Variants in UNC79 observed in about 807,000 individuals in gnomAD.
UNC79 encodes the protein protein unc-79 homolog.
In UNC79, 37 loss-of-function variants were observed where a neutral mutation model predicts 283.1. That is an observed-to-expected ratio of 0.13 (90% CI 0.10 to 0.17). The LOEUF (loss-of-function observed/expected upper bound fraction) is 0.17. Among genes scored for constraint, UNC79 ranks in the 10% least tolerant of loss-of-function variants. The probability of loss-of-function intolerance (pLI) is 1.00; values close to 1 mark genes in which losing one functional copy is unlikely to be tolerated. For missense variants in UNC79, 2,272 were observed against 3,211.1 expected, an observed-to-expected ratio of 0.71 and a Z score of 7.07; for synonymous variants, 1,107 against 1,200.2, an observed-to-expected ratio of 0.92 and a Z score of 1.61.
chr14:93,497,064 A>G (rs112769404), intron 6 of UNC79, 93 bp from the exon 7 acceptor site: 15,246 of 1,437,374 alleles, frequency 0.011, 191 homozygotes, highest in African/African-American at 0.042. Flanking sequence ...CAATCCCTCC[A>G]TTAGAATTTT....
chr14:93,347,575 G>A (rs1167775538), intron 1 of UNC79, among the ~76,000 whole-genome samples: 1 of 152,246 alleles, frequency 6.6e-6, no homozygotes, highest in East Asian at 1.9e-4. Flanking sequence ...TCCTGGGAGA[G>A]GGTCGCGGTG....
intron 11 of UNC79, among the ~76,000 whole-genome samples, chr14:93,533,446 C>T (rs1207461278): frequency 6.6e-6 from 1 of 152,196 alleles, no homozygotes; most frequent in Non-Finnish European, 1.5e-5. Context: ...ACTCTAGGCT[C>T]ACTCATGTAT....
chr14:93,399,381 G>A (rs1017974325), intron 1 of UNC79, among the ~76,000 whole-genome samples: 1 of 152,100 alleles, frequency 6.6e-6, no homozygotes, highest in Non-Finnish European at 1.5e-5. Context: ...TAGGAATTCC[G>A]CCGAGCACAA....
At position 93,390,519 on chromosome 14, in the gene UNC79, A is replaced by G. The variant is rs145665248; in HGVS notation, c.-351+56996A>G. ...AATACAAATTGGAAATGAGTAAATAAACTGTCACTATTTGCTGGTAACTTG... is the reference window on the plus strand; with the variant it reads ...AATACAAATTGGAAATGAGTAAATAGACTGTCACTATTTGCTGGTAACTTG... On this transcript the variant is annotated intron_variant, in intron 1 of 49. Transcript: ENST00000256339. Among the ~76,000 whole-genome samples, 9 of 152,328 alleles carry G rather than the reference A, an allele frequency of 5.9e-5. No individual in the cohort carries two copies. In the East Asian group the frequency reaches 1.7e-3, roughly 29 times the overall value.
At chr14:93,608,440 T>C (rs369446656) in intron 26 of UNC79, among the ~76,000 whole-genome samples, 1 of 152,114 alleles carries the variant, frequency 6.6e-6, no homozygotes, top group East Asian at 1.9e-4. Context: ...AAACACATGA[T>C]AATAGGATGT....
At chr14:93,401,608 C>T (rs2055109114) in intron 1 of UNC79, among the ~76,000 whole-genome samples, 1 of 152,174 alleles carries the variant, frequency 6.6e-6, no homozygotes, top group Non-Finnish European at 1.5e-5. Flanking sequence ...AGCCCCACTC[C>T]ACCTCAAGAA....
At chr14:93,401,162 T>A (rs900493183) in intron 1 of UNC79, among the ~76,000 whole-genome samples, 6 of 152,186 alleles carry the variant, frequency 3.9e-5, no homozygotes, top group Non-Finnish European at 8.8e-5. Flanking sequence ...AAAATTTTTT[T>A]AAAAAGTTGA....
chr14:93,382,361 C>T (rs1284352630), intron 1 of UNC79, among the ~76,000 whole-genome samples: 4 of 152,100 alleles, frequency 2.6e-5, no homozygotes, highest in African/African-American at 9.7e-5. Flanking sequence ...CTTGCCTTCC[C>T]ACTCCCCAAA....
At chr14:93,653,548 A>G (rs2070553298) in intron 35 of UNC79, among the ~76,000 whole-genome samples, 194 bp from the exon 39 acceptor site, 1 of 152,094 alleles carries the variant, frequency 6.6e-6, no homozygotes, top group Non-Finnish European at 1.5e-5. Context: ...CTGGCATTTC[A>G]TGGTTCTCTC....
intron 14 of UNC79, among the ~76,000 whole-genome samples, chr14:93,545,154 G>T (rs1189403387): frequency 6.6e-6 from 1 of 152,192 alleles, no homozygotes; most frequent in Non-Finnish European, 1.5e-5. Context: ...TATCTCAAAG[G>T]TGATGAACAG....
At chr14:93,422,440 G>T (rs778353057) in intron 1 of UNC79, among the ~76,000 whole-genome samples, 1 of 152,190 alleles carries the variant, frequency 6.6e-6, no homozygotes, top group Non-Finnish European at 1.5e-5. Context: ...CTTAAGGTCT[G>T]TGTTGATGTG....
At chr14:93,590,614 T>A (rs995791205) in intron 22 of UNC79, among the ~76,000 whole-genome samples, 3 of 152,020 alleles carry the variant, frequency 2.0e-5, no homozygotes, top group African/African-American at 4.8e-5. Context: ...GCCTTTAGGG[T>A]CCATAGCCCA....
In UNC79 at chr14:93,532,594, T is replaced by G. The variant is rs758380864; in HGVS notation, c.1122+16T>G. On this transcript the variant is annotated intron_variant, in intron 11 of 48. Transcript: ENST00000555664. ...TCAGAAAAAGGTAAGAGCAAACCAT[T>G]TGTGTCGTTGGGGCATGATTTATTG... 1 of 1,610,202 alleles carries G rather than the reference T, an allele frequency of 6.2e-7. No individual in the cohort carries two copies.
chr14:93,622,303 G>A (rs1566798135), exon 30 of UNC79: 1 of 1,614,108 alleles, frequency 6.2e-7, no homozygotes. Flanking sequence ...TAAGTGTGGA[G>A]GATTGTTCCA....
At chr14:93,380,967 TTATTGAGTGCTTTAGA>T (rs1203177725) in intron 1 of UNC79, among the ~76,000 whole-genome samples, 2 of 151,642 alleles carry the variant, frequency 1.3e-5, no homozygotes, top group Non-Finnish European at 2.9e-5. Context: ...TAGTAAGTAT[TTATTGAGTGCTTTAGA>T]TAGTCAGTGA....
At chr14:93,569,671 T>TG (rs2063106500) in intron 14 of UNC79, among the ~76,000 whole-genome samples, 1 of 152,068 alleles carries the variant, frequency 6.6e-6, no homozygotes, top group South Asian at 2.1e-4. Context: ...TAAGGGAGGA[T>TG]GGGGGAATGG....
intron 1 of UNC79, among the ~76,000 whole-genome samples, chr14:93,392,332 T>C (rs1036299222): frequency 4.6e-5 from 7 of 152,182 alleles, no homozygotes; most frequent in African/African-American, 1.7e-4. Context: ...AAAGAACATA[T>C]ACCGTGTGCT....
intron 47 of UNC79, among the ~76,000 whole-genome samples, chr14:93,694,974 T>C (rs1358107184): frequency 1.3e-5 from 2 of 152,188 alleles, no homozygotes; most frequent in Non-Finnish European, 2.9e-5. Flanking sequence ...TTATACAGTG[T>C]ATAAAAGAAA....
rs929725493 is a variant in UNC79 at position 93,366,665 on chromosome 14, G to A, written c.-351+33142G>A. Among the ~76,000 whole-genome samples, 15 of 151,374 alleles carry A rather than the reference G, an allele frequency of 9.9e-5. No homozygotes were observed. The East Asian group carries it at 2.5e-3, about 25-fold the overall frequency. ...TTGGCTGACTGCAACCTCTGCCTCC[G>A]GGGTTCGAGCGATTCTTGTGCCTCA... On this transcript the variant is annotated intron_variant, in intron 1 of 49. Coordinates refer to the UNC79 transcript ENST00000256339.
Sources: gnomAD v4.1 joint callset for allele counts (sites outside exome capture counted in the v4.1 genomes callset) on GRCh38, gnomAD v4.1.1 for gene constraint, MANE v1.5 for transcripts, NCBI Gene and HGNC (gene_info 2026-07-23, HGNC 2026-07-21) for gene names.